MYH11: variants seen among roughly 807,000 people sequenced by gnomAD.
MYH11 encodes myosin heavy chain 11.
A neutral mutation model predicts 246.6 loss-of-function variants in MYH11; 80 were observed. The ratio of observed to expected loss-of-function variants is 0.32; its 90% confidence interval spans 0.27 to 0.39. MYH11 has a LOEUF of 0.39. Ranked by LOEUF, MYH11 falls within the 10% of genes least tolerant of loss-of-function variation. MYH11 has a pLI of 1.00. For missense variants in MYH11, 2,158 were observed against 2,546.8 expected (o/e 0.85, Z 3.29); for synonymous variants, 1,071 against 1,015.5 (o/e 1.05, Z -1.04).
rs1284202501 is a variant in MYH11 at position 15,714,939 on chromosome 16, C to T, written c.5756G>A (p.Arg1919His). ...EATESNEAMG[R>H]EVNALKSKLR... ...CTTGCTCTTGAGTGCGTTCACCTCGCGGCCCATGGCCTCGTTGCTCTCCGT... is the reference window on the plus strand; with the variant it reads ...CTTGCTCTTGAGTGCGTTCACCTCGTGGCCCATGGCCTCGTTGCTCTCCGT... The change falls in exon 40 of 41, where the codon CGC becomes CAC. Residue 1919 changes from arginine (R) to histidine (H), a missense_variant. Coordinates refer to ENST00000300036, the MANE Select transcript of MYH11 (RefSeq NM_002474.3). 7 of 1,613,928 alleles carry T rather than the reference C, an allele frequency of 4.3e-6. No homozygotes were observed. Among genetic ancestry groups the T allele is most frequent in the African/African-American group, 2.7e-5 (2 of 74,922 alleles).
intron 4 of MYH11, among the ~76,000 whole-genome samples, chr16:15,788,095 T>TTTTTTTTTTTTTTTTTTTTTTTAAA: frequency 1.0e-5 from 1 of 99,522 alleles, no homozygotes; most frequent in South Asian, 4.2e-4. Context: ...TTTTTTTTTT[T>TTTTTTTTTTTTTTTTTTTTTTTAAA]ACCAAGATGG....
Position 15,732,582 on chromosome 16 carries a change from C to G in MYH11, c.3633G>C (p.Gln1211His), listed in dbSNP as rs1060500724. Residue 1211 changes from glutamine to histidine, a missense_variant, in exon 27 of 41, where the codon CAG becomes CAC. Coordinates refer to ENST00000300036, the MANE Select transcript of MYH11 (RefSeq NM_002474.3). ...GCATTACCCTCTTGAACTGCTCAAG[C>G]TGCTCTGTGAGCTCCTCCACCGCCT... is the stretch of plus-strand genomic sequence containing the variant. ...HAQAVEELTE[Q>H]LEQFKRAKAN... is the part of the protein sequence containing the mutation. 1.2e-6 allele frequency: 2 copies of G among 1,614,152 alleles called. No individual in the cohort carries two copies. Among genetic ancestry groups the G allele is most frequent in the Non-Finnish European group, 1.7e-6 (2 of 1,180,058 alleles).
At chr16:15,779,044 A>T in intron 6 of MYH11, 1 of 668,598 alleles carries the variant, frequency 1.5e-6, no homozygotes, top group South Asian at 1.6e-5. Flanking sequence ...CCTGACAGCA[A>T]CAGAACGTGT....
At chr16:15,706,715 C>CA (rs554587198) in intron 40 of MYH11, among the ~76,000 whole-genome samples, 3 of 150,002 alleles carry the variant, frequency 2.0e-5, no homozygotes, top group Non-Finnish European at 3.0e-5. Context: ...AAAAAAAAAA[C>CA]AAAAAAAAAT....
chr16:15,774,596 T>A (rs34760048), intron 8 of MYH11, among the ~76,000 whole-genome samples: 7,491 of 152,268 alleles, frequency 0.049, 308 homozygotes, highest in East Asian at 0.13. Context: ...AGGAAACTTA[T>A]TTTTATTGTT....
chr16:15,724,461 T>C, intron 30 of MYH11, 52 bp from the exon 31 acceptor site: 1 of 1,610,514 alleles, frequency 6.2e-7, no homozygotes, highest in Non-Finnish European at 8.5e-7. Flanking sequence ...GAGTGGCCCC[T>C]GTCCCTGGCC....
At chr16:15,850,266 T>C (rs531022673) in intron 1 of MYH11, among the ~76,000 whole-genome samples, 1 of 151,930 alleles carries the variant, frequency 6.6e-6, no homozygotes, top group Non-Finnish European at 1.5e-5. Context: ...GCGCCTGTAA[T>C]ACCAGCTACT....
At chr16:15,790,349 A>AC (rs1174029407) in intron 4 of MYH11, among the ~76,000 whole-genome samples, 4 of 151,812 alleles carry the variant, frequency 2.6e-5, no homozygotes, top group African/African-American at 9.7e-5. Flanking sequence ...CAAAAAAAAA[A>AC]ACAAAGACAT....
At chr16:15,827,266 G>A (rs1335830988) in intron 2 of MYH11, among the ~76,000 whole-genome samples, 1 of 152,182 alleles carries the variant, frequency 6.6e-6, no homozygotes, top group Non-Finnish European at 1.5e-5. Context: ...GAACAAGGAA[G>A]GGAAGGCCCT....
rs373322898 is a variant in MYH11, at chr16:15,708,773, C to T, written c.5787-4650G>A. ...AGAAAAGAAATGGATACTGAGACAACACACAGCTGCGAAGCTGAAGGCATG... is the reference window on the plus strand; with the variant it reads ...AGAAAAGAAATGGATACTGAGACAATACACAGCTGCGAAGCTGAAGGCATG... On this transcript the variant is annotated intron_variant, in intron 40 of 40. Coordinates refer to ENST00000300036, the MANE Select transcript of MYH11 (RefSeq NM_002474.3). The T allele has an allele frequency of 7.2e-5, 115 of 1,597,278 alleles. 1 individual carries two copies. The highest frequency in any genetic ancestry group is 9.6e-5 in the Non-Finnish European group (112 of 1,172,192).
At chr16:15,710,277 C>T (rs1013626524) in intron 40 of MYH11, among the ~76,000 whole-genome samples, 2 of 152,122 alleles carry the variant, frequency 1.3e-5, no homozygotes, top group Admixed American at 6.6e-5. Context: ...AACCCCAGCA[C>T]TTTGGGAGAC....
intron 3 of MYH11, among the ~76,000 whole-genome samples, chr16:15,814,856 T>G (rs1309135268): frequency 6.6e-6 from 1 of 152,094 alleles, no homozygotes; most frequent in Non-Finnish European, 1.5e-5. Context: ...TGGTGAGGGT[T>G]AAACAGAGGG....
intron 4 of MYH11, among the ~76,000 whole-genome samples, chr16:15,794,545 C>T (rs969657555): frequency 6.6e-6 from 1 of 152,256 alleles, no homozygotes; most frequent in Non-Finnish European, 1.5e-5. Flanking sequence ...CAAGTCCTTG[C>T]TAACGCTGCA....
At chr16:15,843,810 T>G (rs2044119471) in intron 1 of MYH11, among the ~76,000 whole-genome samples, 1 of 152,114 alleles carries the variant, frequency 6.6e-6, no homozygotes, top group African/African-American at 2.4e-5. Context: ...TCCTGGTGCA[T>G]TAGCTTCTGA....
chr16:15,824,749 C>T (rs143822671), intron 2 of MYH11, among the ~76,000 whole-genome samples: 43 of 152,324 alleles, frequency 2.8e-4, no homozygotes, highest in African/African-American at 6.7e-4. Context: ...CTCCTCCCAC[C>T]ACCCTCTGAT....
chr16:15,772,118 G>A (rs1196415642), intron 8 of MYH11, among the ~76,000 whole-genome samples: 1 of 112,808 alleles, frequency 8.9e-6, no homozygotes, highest in Non-Finnish European at 1.9e-5. Context: ...TTGAGACGGA[G>A]TCTCACTCTG....
chr16:15,784,721 G>A lies in MYH11; in HGVS notation c.633+1909C>T. On this transcript the variant is annotated intron_variant, in intron 5 of 40. Transcript: ENST00000300036. Reference sequence around the variant, plus strand: ...ACGTAGGCAAAAGATGGGCCTTGCTGTGGTTGAACAACACAGTATAAAACA... The same window carrying A: ...ACGTAGGCAAAAGATGGGCCTTGCTATGGTTGAACAACACAGTATAAAACA... 6.2e-7 allele frequency: 1 copy of A among 1,613,924 alleles called. No homozygotes were observed. Among genetic ancestry groups the A allele is most frequent in the Non-Finnish European group, 8.5e-7 (1 of 1,179,866 alleles).
chr16:15,837,573 T>C (rs2043932215), intron 2 of MYH11, among the ~76,000 whole-genome samples: 1 of 148,072 alleles, frequency 6.8e-6, no homozygotes, highest in Non-Finnish European at 1.5e-5. Flanking sequence ...TCTTATTCTG[T>C]CACCCAGGCT....
intron 20 of MYH11, 115 bp from the exon 21 acceptor site, chr16:15,742,006 T>C: frequency 1.4e-6 from 2 of 1,411,110 alleles, no homozygotes; most frequent in African/African-American, 2.8e-5. Context: ...CGATCCCCAC[T>C]AGGGGATATT....
Sources: allele counts gnomAD v4.1 joint callset (sites outside exome capture counted in the v4.1 genomes callset), GRCh38; gene constraint gnomAD v4.1.1; transcripts MANE v1.5; gene names NCBI Gene and HGNC (gene_info 2026-07-23, HGNC 2026-07-21).